The following ERC1 variants were observed in gnomAD, a reference collection of about 807,000 sequenced individuals.
ERC1 encodes ELKS/RAB6-interacting/CAST family member 1.
Under a neutral mutation model 132.0 loss-of-function variants are expected in ERC1, and 56 were observed. The ratio of observed to expected loss-of-function variants is 0.42; its 90% CI spans 0.34 to 0.53. The LOEUF is 0.53. Among genes scored for constraint, ERC1 ranks in the 20% least tolerant of loss-of-function variants. The pLI, the probability that ERC1 is intolerant of heterozygous loss-of-function variation, is 0.03. For missense variants in ERC1, 1,202 were observed against 1,349.9 expected (o/e 0.89, Z 1.72); for synonymous variants, 478 against 476.1 (o/e 1.00, Z -0.05).
chr12:1,174,612 C>T (rs968750074), intron 8 of ERC1, among the ~76,000 whole-genome samples: 1 of 152,074 alleles, frequency 6.6e-6, no homozygotes, highest in Non-Finnish European at 1.5e-5. Flanking sequence ...TGAATTTCTC[C>T]CTAGATGCAG....
At chr12:1,003,132 A>G (rs1280049609) in intron 1 of ERC1, among the ~76,000 whole-genome samples, 1 of 149,326 alleles carries the variant, frequency 6.7e-6, no homozygotes, top group Non-Finnish European at 1.5e-5. Context: ...AAAAAAAAAG[A>G]GAAAAGAAAT....
chr12:992,811 G>A (rs1959879831), intron 1 of ERC1, among the ~76,000 whole-genome samples: 1 of 152,200 alleles, frequency 6.6e-6, no homozygotes, highest in Non-Finnish European at 1.5e-5. Flanking sequence ...TCCCATGATG[G>A]ACATGTATTA....
At chr12:1,188,179 A>G (rs538874997) in intron 11 of ERC1, among the ~76,000 whole-genome samples, 43 of 152,088 alleles carry the variant, frequency 2.8e-4, no homozygotes, top group Non-Finnish European at 4.0e-4. Flanking sequence ...GCTGCCTCCT[A>G]TTGCCTATTT....
chr12:1,446,609 C>A (rs2093310356), intron 18 of ERC1, among the ~76,000 whole-genome samples: 1 of 152,118 alleles, frequency 6.6e-6, no homozygotes, highest in Non-Finnish European at 1.5e-5. Flanking sequence ...TACAGAACTT[C>A]CTGTGGTGTG....
intron 17 of ERC1, among the ~76,000 whole-genome samples, chr12:1,431,378 C>A (rs1267596531): frequency 6.6e-6 from 1 of 152,166 alleles, no homozygotes. Context: ...AAACATTTAA[C>A]CTATTCACAG....
In ERC1 at chr12:1,028,340, C is replaced by T. The variant is rs750942184; in HGVS notation, c.437C>T (p.Ala146Val). Residue 146 changes from alanine to valine, a missense_variant, in exon 2 of 19, where the codon GCG becomes GTG. Transcript: ENST00000360905. ...ACTGTACCTCACTCCCTTCGTCAGGCGAGAGATAACACAATCATGGATCTG... is the reference window on the plus strand; with the variant it reads ...ACTGTACCTCACTCCCTTCGTCAGGTGAGAGATAACACAATCATGGATCTG... ...ASTVPHSLRQ[A>V]RDNTIMDLQT... 1.1e-5 allele frequency: 18 copies of T among 1,613,982 alleles called. No homozygotes were observed. Among genetic ancestry groups the T allele is most frequent in the South Asian group, 4.4e-5 (4 of 91,086 alleles).
At chr12:1,068,147 G>T in intron 2 of ERC1, among the ~76,000 whole-genome samples, 1 of 151,846 alleles carries the variant, frequency 6.6e-6, no homozygotes. Flanking sequence ...GGCCAGGCTG[G>T]TCTCGAACTC....
chr12:1,132,933 G>T (rs760717170), intron 7 of ERC1, among the ~76,000 whole-genome samples: 7 of 151,688 alleles, frequency 4.6e-5, no homozygotes, highest in Non-Finnish European at 1.0e-4. Flanking sequence ...TTGGCTCACT[G>T]CAACCTCCGC....
At chr12:1,488,159 A>AAG (rs1388099953) in intron 18 of ERC1, among the ~76,000 whole-genome samples, 6,222 of 151,132 alleles carry the variant, frequency 0.041, 459 homozygotes, top group African/African-American at 0.14. Flanking sequence ...AAAAAAAAAA[A>AAG]AAAGATAGAT....
intron 7 of ERC1, among the ~76,000 whole-genome samples, chr12:1,135,317 C>T (rs1053693897): frequency 6.6e-6 from 1 of 152,194 alleles, no homozygotes; most frequent in South Asian, 2.1e-4. Context: ...CTTACCACTT[C>T]GGGCTTCTAG....
At chr12:1,139,794 C>T (rs970426881) in intron 7 of ERC1, among the ~76,000 whole-genome samples, 6 of 146,404 alleles carry the variant, frequency 4.1e-5, no homozygotes, top group African/African-American at 1.3e-4. Flanking sequence ...AGAATAGAGA[C>T]GAATGATAAA....
chr12:1,015,831 T>C (rs530085874), intron 1 of ERC1, among the ~76,000 whole-genome samples: 1 of 152,308 alleles, frequency 6.6e-6, no homozygotes, highest in African/African-American at 2.4e-5. Flanking sequence ...TTACATCAGG[T>C]TGTACTAGTA....
intron 14 of ERC1, among the ~76,000 whole-genome samples, chr12:1,276,045 T>C (rs1439193166): frequency 1.3e-5 from 2 of 152,184 alleles, no homozygotes; most frequent in African/African-American, 4.8e-5. Flanking sequence ...TGCCAGTTCT[T>C]GTTGGGTCCT....
intron 12 of ERC1, among the ~76,000 whole-genome samples, chr12:1,209,436 A>C (rs1957659758): frequency 6.8e-6 from 1 of 148,054 alleles, no homozygotes; most frequent in Non-Finnish European, 1.5e-5. Context: ...TTCTTAGGTG[A>C]GATTGGCTAG....
chr12:1,251,297 G>A (rs1009156662), intron 13 of ERC1, among the ~76,000 whole-genome samples: 1 of 151,972 alleles, frequency 6.6e-6, no homozygotes, highest in Non-Finnish European at 1.5e-5. Flanking sequence ...TAATGTTCCT[G>A]TTTTTGCAAA....
At chr12:1,259,828 G>A (rs1039839719) in intron 13 of ERC1, among the ~76,000 whole-genome samples, 2 of 151,988 alleles carry the variant, frequency 1.3e-5, no homozygotes, top group Non-Finnish European at 2.9e-5. Flanking sequence ...CTGCTTTCTT[G>A]GGTATCTATT....
At chr12:1,336,866 C>T (rs959187846) in intron 15 of ERC1, among the ~76,000 whole-genome samples, 12 of 151,810 alleles carry the variant, frequency 7.9e-5, no homozygotes, top group African/African-American at 2.7e-4. Flanking sequence ...GATACAGTCT[C>T]GGCTCACTGC....
chr12:1,368,457 T>C (rs2086869269), intron 15 of ERC1, among the ~76,000 whole-genome samples: 1 of 152,230 alleles, frequency 6.6e-6, no homozygotes, highest in Non-Finnish European at 1.5e-5. Context: ...TTTGCTTTTT[T>C]TTCCACTGTG....
chr12:1,442,363 T>C (rs1463646368), intron 17 of ERC1, among the ~76,000 whole-genome samples: 1 of 152,252 alleles, frequency 6.6e-6, no homozygotes, highest in Non-Finnish European at 1.5e-5. Context: ...TGACTGGCTG[T>C]GTTGACATGC....
Sources: gnomAD v4.1 joint callset for allele counts (sites outside exome capture counted in the v4.1 genomes callset) on GRCh38, gnomAD v4.1.1 for gene constraint, MANE v1.5 for transcripts, NCBI Gene and HGNC (gene_info 2026-07-23, HGNC 2026-07-21) for gene names.